The following DCTN5 variants were observed in gnomAD, a reference collection of about 807,000 sequenced individuals.
The protein encoded by DCTN5 is dynactin 4.
DCTN5 carries 14 observed loss-of-function variants against 23.5 expected under a neutral mutation model. That is an observed-to-expected ratio of 0.60 (90% CI 0.39 to 0.93). The LOEUF (loss-of-function observed/expected upper bound fraction) is 0.93, where lower values mean the gene tolerates loss of function less well. DCTN5 is among the 40% of genes least tolerant of loss of function. DCTN5 has a pLI of 0.00. For synonymous variants in DCTN5, 67 were observed against 79.6 expected, an observed-to-expected ratio of 0.84 and a Z score of 0.84; for missense variants, 156 against 225.9, an observed-to-expected ratio of 0.69 and a Z score of 1.98.
intron 2 of DCTN5, among the ~76,000 whole-genome samples, chr16:23,645,110 TA>T (rs1567228347): frequency 0.032 from 1,271 of 39,562 alleles, 118 homozygotes; most frequent in Non-Finnish European, 0.046. Flanking sequence ...TATATATATA[TA>T]TATATATATA....
intron 2 of DCTN5, among the ~76,000 whole-genome samples, chr16:23,643,698 T>C (rs528490937): frequency 1.3e-5 from 2 of 152,210 alleles, no homozygotes; most frequent in South Asian, 2.1e-4. Flanking sequence ...ATTATCTCTT[T>C]AGTAAAAATT....
chr16:23,654,089 G>A (rs983234796), intron 2 of DCTN5, among the ~76,000 whole-genome samples: 3 of 152,180 alleles, frequency 2.0e-5, no homozygotes, highest in Admixed American at 6.5e-5. Flanking sequence ...GTTAGTGGGA[G>A]TGTAACCATT....
chr16:23,647,135 GTTT>G (rs34433726), intron 2 of DCTN5, among the ~76,000 whole-genome samples: 7 of 128,874 alleles, frequency 5.4e-5, no homozygotes, highest in African/African-American at 1.4e-4. Context: ...AAGTTTTCTG[GTTT>G]TTTTTTTTTT....
rs1968019024 is a variant in DCTN5, at chr16:23,672,229, AAAC to A, written c.*5089_*5091del. 6.6e-6 allele frequency: 1 copy of A among 152,262 alleles called. No homozygotes were observed. Among genetic ancestry groups the A allele is most frequent in the East Asian group, 1.9e-4 (1 of 5,186 alleles). 9.4% of individuals were successfully genotyped at this position (152,262 alleles called of 1,614,324 possible). ...GTTCTTTTTATTTCAATAATAACAG[AAAC>A]AACTGTCAAAACCATGTGCCTGTAC... On this transcript the variant is annotated 3_prime_UTR_variant, in exon 6 of 6. Coordinates refer to ENST00000300087, the MANE Select transcript of DCTN5 (RefSeq NM_032486.4).
intron 2 of DCTN5, among the ~76,000 whole-genome samples, chr16:23,645,137 A>ATATATATATATATATTTT (rs1555462995): frequency 3.2e-5 from 1 of 30,806 alleles, no homozygotes. Flanking sequence ...ATATATATAT[A>ATATATATATATATATTTT]TTTTTTTTTT....
chr16:23,646,599 G>A (rs1173005604), intron 2 of DCTN5, among the ~76,000 whole-genome samples: 14 of 151,502 alleles, frequency 9.2e-5, no homozygotes, highest in Admixed American at 3.9e-4. Context: ...TTTTTGAGAC[G>A]GAGTTTCCCT....
At chr16:23,646,365 CTTCCT>C (rs1758990263) in intron 2 of DCTN5, among the ~76,000 whole-genome samples, 1 of 151,992 alleles carries the variant, frequency 6.6e-6, no homozygotes, top group Non-Finnish European at 1.5e-5. Context: ...CAAATGCTTT[CTTCCT>C]TTCTGTAGAT....
chr16:23,675,574 C>T lies in DCTN5; in HGVS notation c.*8430C>T, dbSNP rs1476085173. 6.6e-6 allele frequency: 1 copy of T among 151,832 alleles called. No individual in the cohort carries two copies. Among genetic ancestry groups the T allele is most frequent in the African/African-American group, 2.4e-5 (1 of 41,272 alleles). 9.4% of individuals were successfully genotyped at this position (151,832 alleles called of 1,614,324 possible). On this transcript the variant is annotated 3_prime_UTR_variant, in exon 6 of 6. Coordinates refer to ENST00000300087, the MANE Select transcript of DCTN5 (RefSeq NM_032486.4). ...ACATACAACCCTTCCAGAGGAAAGG[C>T]CTAGCTGAGAGTAAGAGATGGTTGA... is the stretch of plus-strand genomic sequence containing the variant.
At position 23,668,147 on chromosome 16, in the gene DCTN5, T is replaced by C. The variant is rs1396407158; in HGVS notation, c.*1003T>C. 6.6e-6 allele frequency: 1 copy of C among 152,188 alleles called. No individual in the cohort carries two copies. Among genetic ancestry groups the C allele is most frequent in the Non-Finnish European group, 1.5e-5 (1 of 68,034 alleles). The allele number at this position is 152,188 out of a possible 1,614,324, so 9.4% of individuals were successfully genotyped here. A position where few individuals can be genotyped will look rare whatever the true frequency, so the allele number is the denominator to read the frequency against. On this transcript the variant is annotated 3_prime_UTR_variant, in exon 6 of 6. Coordinates refer to ENST00000300087, the MANE Select transcript of DCTN5 (RefSeq NM_032486.4). Reference sequence around the variant, plus strand: ...CTCCTTCTGGCCAAATAGCACAACATTTCCTCGTTCTGCTCTGACCTCTTA... The same window carrying C: ...CTCCTTCTGGCCAAATAGCACAACACTTCCTCGTTCTGCTCTGACCTCTTA...
At chr16:23,654,359 A>T (rs1967661016) in intron 2 of DCTN5, among the ~76,000 whole-genome samples, 1 of 152,206 alleles carries the variant, frequency 6.6e-6, no homozygotes, top group Admixed American at 6.5e-5. Flanking sequence ...AAAGAATGAG[A>T]TCATATTTTT....
chr16:23,662,137 T>C lies in DCTN5; in HGVS notation c.348+856T>C, dbSNP rs150002110. On this transcript the variant is annotated intron_variant, in intron 4 of 5. Transcript: ENST00000300087. Reference sequence around the variant, plus strand: ...GATTTAAACCCAGGCAATATGATTATTAGCCATGCTGCTATATGGCCTACT... The same window carrying C: ...GATTTAAACCCAGGCAATATGATTACTAGCCATGCTGCTATATGGCCTACT... 1.2e-3 allele frequency among the ~76,000 whole-genome samples: 182 copies of C among 152,270 alleles called. 2 individuals carry two copies. Among genetic ancestry groups the C allele is most frequent in the African/African-American group, 4.1e-3 (169 of 41,546 alleles).
chr16:23,666,775 G>A (rs2058342334), intron 5 of DCTN5: 5 of 484,964 alleles, frequency 1.0e-5, no homozygotes, highest in South Asian at 7.8e-5. Context: ...CAGATTCTTC[G>A]GGGAGGCATT....
At position 23,673,196 on chromosome 16, in the gene DCTN5, A is replaced by C. The variant is rs140822554; in HGVS notation, c.*6052A>C. 1 of 152,256 alleles carries C rather than the reference A, an allele frequency of 6.6e-6. No homozygotes were observed. Among genetic ancestry groups the C allele is most frequent in the East Asian group, 1.9e-4 (1 of 5,194 alleles). The allele number at this position is 152,256 out of a possible 1,614,324, so 9.4% of individuals were successfully genotyped here. On this transcript the variant is annotated 3_prime_UTR_variant, in exon 6 of 6. Coordinates refer to ENST00000300087, the MANE Select transcript of DCTN5 (RefSeq NM_032486.4). The stretch of plus-strand genomic sequence containing the variant: ...TGTTGACAAGGATGGGAATATGAGA[A>C]CATGGAAACAGCTATGAAAAGACAT...
chr16:23,650,644 A>T, intron 2 of DCTN5: 1 of 1,039,966 alleles, frequency 9.6e-7, no homozygotes, highest in Non-Finnish European at 1.4e-6. Flanking sequence ...GTGCATTTTC[A>T]CTGCTGTGTA....
chr16:23,665,648 A>T lies in DCTN5; in HGVS notation c.371A>T (p.Asp124Val). ...CAGGGGCGCCGATGTGTGTTGAAAGACTGCTGCAAAATTCTTGACAACACA... is the reference window on the plus strand; with the variant it reads ...CAGGGGCGCCGATGTGTGTTGAAAGTCTGCTGCAAAATTCTTGACAACACA... ...CVIGRRCVLK[D>V]CCKILDNTVL... The change falls in exon 5 of 6, where the codon GAC (aspartate) becomes GTC (valine). Residue 124 changes from aspartate (D) to valine (V), a missense_variant. Around this residue, in one of 2 missense-constraint regions of DCTN5, gnomAD observed 153 missense variants for 206.8 expected, o/e 0.74. Coordinates refer to ENST00000300087, the MANE Select transcript of DCTN5 (RefSeq NM_032486.4). The T allele has an allele frequency of 6.2e-7, 1 of 1,613,932 alleles. No homozygotes were observed. The highest frequency in any genetic ancestry group is 8.5e-7 in the Non-Finnish European group (1 of 1,179,986).
chr16:23,648,893 C>T lies in DCTN5; in HGVS notation c.117+5870C>T, dbSNP rs368267642. On this transcript the variant is annotated intron_variant, in intron 2 of 5. Coordinates refer to ENST00000300087, the MANE Select transcript of DCTN5 (RefSeq NM_032486.4). ...TGTTTTTTGAGACAGAATCCCGCTC[C>T]ATTGCCCATGCTGGAGTGCAGTGGC... 2.1e-4 allele frequency among the ~76,000 whole-genome samples: 32 copies of T among 152,098 alleles called. No individual in the cohort carries two copies. The East Asian group carries it at 5.8e-3, about 28-fold the overall frequency.
chr16:23,671,304 AT>A lies in DCTN5; in HGVS notation c.*4162del, dbSNP rs11288470. On this transcript the variant is annotated 3_prime_UTR_variant, in exon 6 of 6. Coordinates refer to ENST00000300087, the MANE Select transcript of DCTN5 (RefSeq NM_032486.4). Reference sequence around the variant, plus strand: ...GTGAGCACTCAATAAACGGCAGTTTATTAGGCACTTTTATTAGGAAGTGATA... The same window carrying A: ...GTGAGCACTCAATAAACGGCAGTTTATAGGCACTTTTATTAGGAAGTGATA... 3 of 152,014 alleles carry A rather than the reference AT, an allele frequency of 2.0e-5. No homozygotes were observed. Among genetic ancestry groups the A allele is most frequent in the Non-Finnish European group, 2.9e-5 (2 of 67,988 alleles). The allele number at this position is 152,014 out of a possible 1,614,324, so 9.4% of individuals were successfully genotyped here.
intron 3 of DCTN5, among the ~76,000 whole-genome samples, chr16:23,660,651 C>T (rs1026521195): frequency 6.6e-6 from 1 of 152,220 alleles, no homozygotes; most frequent in Non-Finnish European, 1.5e-5. Flanking sequence ...TGATTGCAAG[C>T]TGCTCGTGGA....
At chr16:23,655,078 T>A (rs1967676725) in intron 2 of DCTN5, among the ~76,000 whole-genome samples, 1 of 152,232 alleles carries the variant, frequency 6.6e-6, no homozygotes, top group Admixed American at 6.5e-5. Flanking sequence ...TAGAATCATA[T>A]ACTCTTTTAT....
Sources: allele counts gnomAD v4.1 joint callset (sites outside exome capture counted in the v4.1 genomes callset), GRCh38; gene constraint gnomAD v4.1.1; regional missense constraint gnomAD v4.1.1; transcripts MANE v1.5; gene names NCBI Gene and HGNC (gene_info 2026-07-23, HGNC 2026-07-21).